The following LPIN2 variants were observed in gnomAD, a reference collection of about 807,000 sequenced individuals.
LPIN2 encodes the protein phosphatidate phosphatase LPIN2.
A neutral mutation model predicts 111.4 loss-of-function variants in LPIN2; 55 were observed. The ratio of observed to expected loss-of-function variants is 0.49; its 90% CI spans 0.40 to 0.62. The LOEUF is 0.62. Among genes scored for constraint, LPIN2 ranks in the 20% least tolerant of loss-of-function variants. LPIN2 has a pLI of 0.00. For synonymous variants in LPIN2, 425 were observed against 414.0 expected (o/e 1.03, Z -0.32); for missense variants, 992 against 1,112.1 (o/e 0.89, Z 1.54).
At chr18:2,947,372 T>A (rs1392343977) in intron 4 of LPIN2, among the ~76,000 whole-genome samples, 1 of 152,188 alleles carries the variant, frequency 6.6e-6, no homozygotes, top group African/African-American at 2.4e-5. Context: ...CACAAAGACA[T>A]CCATCCATCC....
chr18:2,928,614 C>A lies in LPIN2; in HGVS notation c.1597G>T (p.Val533Leu), dbSNP rs1250983699. 6.2e-7 allele frequency: 1 copy of A among 1,613,992 alleles called. No homozygotes were observed. The highest frequency in any genetic ancestry group is 8.5e-7 in the Non-Finnish European group (1 of 1,180,020). ...LAAPMILSLQ[V>L]FQKSLPKATV... ...ACCTTAGGCAAGCTCTTCTGGAATA[C>A]TTGCAAGCTAAGGATCATGGGAGCT... Residue 533 changes from valine to leucine, a missense_variant, in exon 11 of 20, where the codon GTA becomes TTA. Coordinates refer to ENST00000677752, the MANE Select transcript of LPIN2 (RefSeq NM_001375808.2).
At chr18:2,993,785 GT>G (rs1363375920) in intron 1 of LPIN2, among the ~76,000 whole-genome samples, 1 of 152,114 alleles carries the variant, frequency 6.6e-6, no homozygotes, top group Non-Finnish European at 1.5e-5. Flanking sequence ...CCCATGAGTA[GT>G]TTGTGCCATT....
intron 1 of LPIN2, among the ~76,000 whole-genome samples, chr18:3,003,670 G>A (rs1054915916): frequency 7.2e-5 from 11 of 151,862 alleles, no homozygotes; most frequent in Non-Finnish European, 1.5e-4. Context: ...TCTTAATCAC[G>A]TTATCTTCAT....
intron 4 of LPIN2, among the ~76,000 whole-genome samples, chr18:2,942,973 G>A (rs2077386397): frequency 6.6e-6 from 1 of 152,204 alleles, no homozygotes; most frequent in Non-Finnish European, 1.5e-5. Context: ...GTCAGGGCTG[G>A]GGGCTCGGAG....
At position 2,919,313 on chromosome 18, in the gene LPIN2, CT is replaced by C. The variant is rs2077015190; in HGVS notation, c.*979del. 6.6e-6 allele frequency: 1 copy of C among 151,196 alleles called. No homozygotes were observed. Among genetic ancestry groups the C allele is most frequent in the African/African-American group, 2.4e-5 (1 of 41,228 alleles). The allele number at this position is 151,196 out of a possible 1,614,324, so 9.4% of individuals were successfully genotyped here. A position where few individuals can be genotyped will look rare whatever the true frequency, so the allele number is the denominator to read the frequency against. Reference sequence around the variant, plus strand: ...TCCCAAAAGCCAAAGTCACACACTGCTGGCCAGTGCCTTTAAGCAAGCTTCA... The same window carrying C: ...TCCCAAAAGCCAAAGTCACACACTGCGGCCAGTGCCTTTAAGCAAGCTTCA... On this transcript the variant is annotated 3_prime_UTR_variant, in exon 20 of 20. Transcript: ENST00000677752.
intron 1 of LPIN2, among the ~76,000 whole-genome samples, chr18:2,975,611 C>T (rs975797922): frequency 5.9e-5 from 9 of 152,208 alleles, no homozygotes; most frequent in South Asian, 4.1e-4. Flanking sequence ...TGGGATTCCA[C>T]GCCTAGCCAA....
rs1023217140 is a variant in LPIN2 at position 2,920,527 on chromosome 18, T to C, written c.2547-90A>G. The C allele has an allele frequency of 1.7e-4, 244 of 1,446,232 alleles. 1 individual carries two copies. The East Asian group carries it at 5.4e-3, about 32-fold the overall frequency. The allele number at this position is 1,446,232 out of a possible 1,614,324, so 89.6% of individuals were successfully genotyped here. On this transcript the variant is annotated intron_variant, in intron 19 of 19. Coordinates refer to ENST00000677752, the MANE Select transcript of LPIN2 (RefSeq NM_001375808.2). ...GGGGGCTGTGAAGCTGTCACTCAGA[T>C]TGCTCAGGTGGGCAGGTTCAGAGGC... is the stretch of plus-strand genomic sequence containing the variant.
chr18:3,001,862 A>G (rs1418155458), intron 1 of LPIN2, among the ~76,000 whole-genome samples: 2 of 152,214 alleles, frequency 1.3e-5, no homozygotes, highest in Non-Finnish European at 2.9e-5. Flanking sequence ...AATAAGAATC[A>G]CATTTACAGA....
chr18:2,968,290 T>G (rs1319460736), intron 1 of LPIN2, among the ~76,000 whole-genome samples: 1 of 152,186 alleles, frequency 6.6e-6, no homozygotes, highest in African/African-American at 2.4e-5. Context: ...GAAAGGCCTC[T>G]CGATGTAATC....
intron 2 of LPIN2, among the ~76,000 whole-genome samples, chr18:2,960,174 A>ATGTATGTG (rs1555678514): frequency 7.3e-6 from 1 of 136,542 alleles, no homozygotes; most frequent in South Asian, 2.5e-4. Context: ...CGACTCAAAA[A>ATGTATGTG]TGTGTGTGTG....
At chr18:2,982,623 G>T in intron 1 of LPIN2, 1 of 917,576 alleles carries the variant, frequency 1.1e-6, no homozygotes, top group Non-Finnish European at 1.6e-6. Flanking sequence ...TGTCCAGATT[G>T]AGCAAGCAGC....
rs199553767 is a variant in LPIN2, at chr18:2,979,467, CA to C, written c.-9-18619del. 8.8e-3 allele frequency among the ~76,000 whole-genome samples: 1,329 copies of C among 151,252 alleles called. 13 individuals carry two copies. The highest frequency in any genetic ancestry group is 0.03 in the African/African-American group (1,250 of 41,236). ...ATTCCGACATATTAGTGGAGGCAAA[CA>C]AAAAAAAATTGATTTACATGCATCT... On this transcript the variant is annotated intron_variant, in intron 1 of 19. Coordinates refer to ENST00000677752, the MANE Select transcript of LPIN2 (RefSeq NM_001375808.2).
At chr18:2,983,568 T>C (rs927322636) in intron 1 of LPIN2, among the ~76,000 whole-genome samples, 1 of 152,174 alleles carries the variant, frequency 6.6e-6, no homozygotes, top group South Asian at 2.1e-4. Context: ...TTGTCTAGGA[T>C]TGTGCTGTTC....
intron 1 of LPIN2, among the ~76,000 whole-genome samples, chr18:2,964,151 C>T (rs1280542777): frequency 4.6e-5 from 7 of 151,342 alleles, no homozygotes; most frequent in Admixed American, 4.6e-4. Flanking sequence ...GGCGTGATGG[C>T]GTGCGCCTGT....
intron 1 of LPIN2, among the ~76,000 whole-genome samples, chr18:2,976,282 G>A (rs191918185): frequency 6.6e-6 from 1 of 152,306 alleles, no homozygotes. Flanking sequence ...TAGTAAATGA[G>A]GGTAAGAACC....
chr18:3,005,537 G>A (rs1456763066), intron 1 of LPIN2, among the ~76,000 whole-genome samples: 1 of 151,948 alleles, frequency 6.6e-6, no homozygotes, highest in Non-Finnish European at 1.5e-5. Context: ...ATTAACCGGG[G>A]ATGGTGGCAC....
chr18:2,961,742 C>T (rs1037002582), intron 1 of LPIN2, among the ~76,000 whole-genome samples: 2 of 152,136 alleles, frequency 1.3e-5, no homozygotes, highest in African/African-American at 4.8e-5. Flanking sequence ...TACACCCCCA[C>T]ATTTTATTCA....
chr18:2,932,870 C>G (rs1163240821), intron 8 of LPIN2, among the ~76,000 whole-genome samples: 1 of 152,172 alleles, frequency 6.6e-6, no homozygotes, highest in Non-Finnish European at 1.5e-5. Flanking sequence ...GCAAGGCCTC[C>G]CCCTAAACAC....
At chr18:3,002,721 G>A (rs994922914) in intron 1 of LPIN2, among the ~76,000 whole-genome samples, 1 of 152,264 alleles carries the variant, frequency 6.6e-6, no homozygotes, top group East Asian at 1.9e-4. Context: ...TTTTCTTTGA[G>A]ATAAAAACAA....
Sources: gnomAD v4.1 joint callset for allele counts (sites outside exome capture counted in the v4.1 genomes callset) on GRCh38, gnomAD v4.1.1 for gene constraint, MANE v1.5 for transcripts, NCBI Gene and HGNC (gene_info 2026-07-23, HGNC 2026-07-21) for gene names.